Variants in ADGRG1 observed in about 807,000 individuals in gnomAD.
ADGRG1 encodes the protein 7-transmembrane protein with no EGF-like N-terminal domains-1.
Under a neutral mutation model 73.5 loss-of-function variants are expected in ADGRG1, and 53 were observed. The ratio of observed to expected loss-of-function variants is 0.72; its 90% CI spans 0.58 to 0.91. The LOEUF (loss-of-function observed/expected upper bound fraction) is 0.91. Among genes scored for constraint, ADGRG1 ranks in the 40% least tolerant of loss-of-function variants. ADGRG1 has a pLI of 0.00. For synonymous variants in ADGRG1, 394 were observed against 374.4 expected (o/e 1.05, Z -0.60); for missense variants, 795 against 871.8 (o/e 0.91, Z 1.11).
At chr16:57,645,309 G>T in intron 1 of ADGRG1, 2 of 985,400 alleles carry the variant, frequency 2.0e-6, no homozygotes, top group Non-Finnish European at 2.4e-6. Flanking sequence ...GCAAGACTAG[G>T]CTGGAACCTG....
At chr16:57,631,468 G>C in intron 1 of ADGRG1, 1 of 985,604 alleles carries the variant, frequency 1.0e-6, no homozygotes. Flanking sequence ...GGGAAGTCGG[G>C]TGGAAGTAGG....
chr16:57,633,798 A>C (rs2038639304), intron 1 of ADGRG1, among the ~76,000 whole-genome samples: 1 of 152,136 alleles, frequency 6.6e-6, no homozygotes, highest in Non-Finnish European at 1.5e-5. Flanking sequence ...TGGAGACTTT[A>C]TCCGGAACAA....
rs1380377806 is a variant in ADGRG1 at position 57,628,715 on chromosome 16, C to T, written c.-123C>T. The T allele has an allele frequency of 5.1e-6, 5 of 985,378 alleles. No individual in the cohort carries two copies. Among genetic ancestry groups the T allele is most frequent in the Non-Finnish European group, 6.0e-6 (5 of 829,976 alleles). 61.0% of individuals were successfully genotyped at this position (985,378 alleles called of 1,614,324 possible). A position where few individuals can be genotyped will look rare whatever the true frequency, so the allele number is the denominator to read the frequency against. ...AGCTCACTCGGCAGGCAGCGGGGAC[C>T]AGGGCTGGCAGGTTAAGCCTCTGGG... On this transcript the variant is annotated 5_prime_UTR_variant, in exon 1 of 14. Transcript: ENST00000562631.
At chr16:57,653,060 C>A (rs2044523338) in intron 3 of ADGRG1, 143 bp from the exon 4 acceptor site, 3 of 1,549,424 alleles carry the variant, frequency 1.9e-6, no homozygotes, top group East Asian at 4.6e-5. Flanking sequence ...AGAGTCCACT[C>A]TGCTTCTTGA....
At chr16:57,655,622 G>A in intron 6 of ADGRG1, 92 bp downstream of exon 6, 9 of 1,597,468 alleles carry the variant, frequency 5.6e-6, no homozygotes, top group Non-Finnish European at 6.0e-6. Context: ...TCCTTCCTCT[G>A]GGAGTCAAAG....
intron 1 of ADGRG1, chr16:57,642,080 A>T: frequency 2.0e-6 from 2 of 985,280 alleles, no homozygotes; most frequent in Non-Finnish European, 2.4e-6. Flanking sequence ...AGAGACTTTG[A>T]TTCTCATCTC....
intron 5 of ADGRG1, among the ~76,000 whole-genome samples, chr16:57,654,409 A>AACCC (rs1425056910): frequency 2.2e-5 from 1 of 45,100 alleles, no homozygotes; most frequent in Non-Finnish European, 5.7e-5. Context: ...CTGTCCACGC[A>AACCC]CCCCCCCCCC....
upstream of ADGRG1, among the ~76,000 whole-genome samples, chr16:57,620,290 C>A (rs2404690): frequency 0.021 from 3,256 of 152,262 alleles, 119 homozygotes; most frequent in African/African-American, 0.072. Flanking sequence ...GGGTACTGGG[C>A]GTCTCTCAGT....
upstream of ADGRG1, chr16:57,627,239 C>A: frequency 4.3e-6 from 1 of 234,622 alleles, no homozygotes; most frequent in Non-Finnish European, 7.0e-6. Context: ...ATTCTTCCTC[C>A]ACGTGGCATG....
upstream of ADGRG1, chr16:57,619,993 GAGAC>G (rs1177446317): frequency 2.0e-5 from 3 of 152,322 alleles, no homozygotes; most frequent in African/African-American, 7.2e-5. Flanking sequence ...GAAATGGGGC[GAGAC>G]AGACAGGCGG....
intron 1 of ADGRG1, chr16:57,637,252 T>A: frequency 2.2e-6 from 2 of 922,478 alleles, no homozygotes; most frequent in South Asian, 1.0e-4. Flanking sequence ...GCCCCGACCC[T>A]GGTCGGGAAT....
intron 1 of ADGRG1, chr16:57,630,505 G>T: frequency 2.0e-6 from 2 of 985,662 alleles, no homozygotes; most frequent in Non-Finnish European, 2.4e-6. Context: ...AGCTGCCCTG[G>T]CTCCCGTAGG....
At position 57,659,612 on chromosome 16, in the gene ADGRG1, CG is replaced by C; in HGVS notation, c.1487del (p.Arg496HisfsTer18). 1 of 1,613,966 alleles carries C rather than the reference CG, an allele frequency of 6.2e-7. No homozygotes were observed. The highest frequency in any genetic ancestry group is 1.7e-5 in the Admixed American group (1 of 60,016). On this transcript the variant is annotated frameshift_variant, in exon 11 of 14. Coordinates refer to ENST00000562631, the MANE Select transcript of ADGRG1 (RefSeq NM_201525.4). LOFTEE classifies it high-confidence loss of function. Reference sequence around the variant, plus strand: ...GGGCCTCGAGGGGTACAACCTCTACCGACTCGTGGTGGAGGTCTTTGGCACC... The same window carrying C: ...GGGCCTCGAGGGGTACAACCTCTACCACTCGTGGTGGAGGTCTTTGGCACC... ...WMGLEGYNLY[R>X]LVVEVFGTYV...
At chr16:57,661,370 C>T (rs371646946) in intron 12 of ADGRG1, 50 of 985,012 alleles carry the variant, frequency 5.1e-5, no homozygotes, top group Admixed American at 1.8e-4. Flanking sequence ...GAACCCAAAC[C>T]GGAAGCCAGG....
Position 57,663,868 on chromosome 16 carries a change from C to A in ADGRG1, c.*286C>A. On this transcript the variant is annotated 3_prime_UTR_variant, in exon 14 of 14. Coordinates refer to ENST00000562631, the MANE Select transcript of ADGRG1 (RefSeq NM_201525.4). ...ACATCTGTCCCAACCCAGCTGGAGGCCTGGTCTCTCCTTACAACCCCTGGG... is the reference window on the plus strand; with the variant it reads ...ACATCTGTCCCAACCCAGCTGGAGGACTGGTCTCTCCTTACAACCCCTGGG... 1 of 512,004 alleles carries A rather than the reference C, an allele frequency of 2.0e-6. No individual in the cohort carries two copies. Among genetic ancestry groups the A allele is most frequent in the Non-Finnish European group, 3.6e-6 (1 of 281,110 alleles). The allele number at this position is 512,004 out of a possible 1,614,324, so 31.7% of individuals were successfully genotyped here. A position where few individuals can be genotyped will look rare whatever the true frequency, so the allele number is the denominator to read the frequency against.
intron 1 of ADGRG1, chr16:57,621,182 C>A (rs906236169): frequency 2.0e-5 from 3 of 152,142 alleles, no homozygotes; most frequent in Non-Finnish European, 4.4e-5. Context: ...TGAGTGGCTT[C>A]ATCATTGCTC....
intron 1 of ADGRG1, chr16:57,644,252 G>A (rs2147873317): frequency 1.1e-6 from 1 of 896,166 alleles, no homozygotes; most frequent in Non-Finnish European, 1.3e-6. Flanking sequence ...GCACACACAT[G>A]CACAGTCATG....
chr16:57,642,262 G>A (rs191548242), intron 1 of ADGRG1: 55 of 985,380 alleles, frequency 5.6e-5, no homozygotes, highest in Non-Finnish European at 6.1e-5. Flanking sequence ...GCTGCCGGCC[G>A]AAGGGAGGTG....
chr16:57,653,972 C>G lies in ADGRG1; in HGVS notation c.621-14C>G. On this transcript the variant is annotated splice_polypyrimidine_tract_variant and intron_variant, in intron 4 of 13. Coordinates refer to ENST00000562631, the MANE Select transcript of ADGRG1 (RefSeq NM_201525.4). ...CCCTCCCCACCATCACCACCGCTTTCTCCTCCCTGCCAGGCAGTTGCAGAG... is the reference window on the plus strand; with the variant it reads ...CCCTCCCCACCATCACCACCGCTTTGTCCTCCCTGCCAGGCAGTTGCAGAG... 6.2e-7 allele frequency: 1 copy of G among 1,613,790 alleles called. No homozygotes were observed. Among genetic ancestry groups the G allele is most frequent in the Non-Finnish European group, 8.5e-7 (1 of 1,180,018 alleles).
Sources: allele counts gnomAD v4.1 joint callset (sites outside exome capture counted in the v4.1 genomes callset), GRCh38; gene constraint gnomAD v4.1.1; transcripts MANE v1.5; gene names NCBI Gene and HGNC (gene_info 2026-07-23, HGNC 2026-07-21).